Variants in XPR1 observed in about 807,000 individuals in gnomAD.
XPR1 encodes solute carrier family 53 member 1.
In XPR1, 28 loss-of-function variants were observed where a neutral mutation model predicts 87.5. The ratio of observed to expected loss-of-function variants is 0.32; its 90% CI spans 0.24 to 0.44. The LOEUF is 0.44. Ranked by LOEUF, XPR1 falls within the 20% of genes least tolerant of loss-of-function variation. The pLI is 1.00. For synonymous variants in XPR1, 300 were observed against 306.1 expected (o/e 0.98, Z 0.21); for missense variants, 559 against 862.3 (o/e 0.65, Z 4.41).
At chr1:180,656,466 ATATTTATACAT>A (rs1392231477) in intron 1 of XPR1, among the ~76,000 whole-genome samples, 1 of 43,878 alleles carries the variant, frequency 2.3e-5, no homozygotes, top group African/African-American at 1.3e-4. Flanking sequence ...TTTATATATA[ATATTTATACAT>A]TATATATAAT....
intron 2 of XPR1, among the ~76,000 whole-genome samples, chr1:180,771,476 G>C (rs557112299): frequency 3.3e-5 from 5 of 152,060 alleles, no homozygotes; most frequent in Non-Finnish European, 7.4e-5. Flanking sequence ...TAACATGTTG[G>C]TATAGTATTA....
intron 2 of XPR1, among the ~76,000 whole-genome samples, chr1:180,786,145 T>C (rs1265361069): frequency 6.6e-6 from 1 of 150,960 alleles, no homozygotes; most frequent in Non-Finnish European, 1.5e-5. Context: ...GCACATGAAA[T>C]AGAGAAGCAG....
At chr1:180,836,419 T>G in intron 10 of XPR1, 103 bp from the exon 11 acceptor site, 1 of 1,215,000 alleles carries the variant, frequency 8.2e-7, no homozygotes, top group South Asian at 1.4e-5. Context: ...TTCTGAAGGT[T>G]TTTTGCTTTT....
chr1:180,773,464 AT>A (rs1558001213), intron 2 of XPR1, among the ~76,000 whole-genome samples: 1 of 152,216 alleles, frequency 6.6e-6, no homozygotes, highest in Non-Finnish European at 1.5e-5. Context: ...GAGAGTTACT[AT>A]TTTAAGCTAA....
At chr1:180,692,167 A>C (rs1021754725) in intron 2 of XPR1, among the ~76,000 whole-genome samples, 8 of 152,046 alleles carry the variant, frequency 5.3e-5, no homozygotes, top group African/African-American at 1.9e-4. Flanking sequence ...AGCTTTTCTA[A>C]GTTCCATTTT....
At chr1:180,713,594 T>C (rs1296900262) in intron 2 of XPR1, among the ~76,000 whole-genome samples, 2 of 152,278 alleles carry the variant, frequency 1.3e-5, no homozygotes, top group Non-Finnish European at 2.9e-5. Context: ...TAAGTAGACA[T>C]TGGACTTTGT....
At chr1:180,741,193 T>G (rs1658910075) in intron 2 of XPR1, among the ~76,000 whole-genome samples, 1 of 152,208 alleles carries the variant, frequency 6.6e-6, no homozygotes, top group African/African-American at 2.4e-5. Flanking sequence ...AGACGGAGTC[T>G]CACTCTGTCG....
At chr1:180,721,399 C>T (rs1658176055) in intron 2 of XPR1, among the ~76,000 whole-genome samples, 1 of 152,074 alleles carries the variant, frequency 6.6e-6, no homozygotes, top group African/African-American at 2.4e-5. Context: ...TGTGGGTTGA[C>T]TCAGGTGGTT....
At chr1:180,734,355 G>A (rs1441244208) in intron 2 of XPR1, among the ~76,000 whole-genome samples, 1 of 152,140 alleles carries the variant, frequency 6.6e-6, no homozygotes. Flanking sequence ...TGTTTATATA[G>A]CAAAAGAAAT....
intron 2 of XPR1, among the ~76,000 whole-genome samples, chr1:180,744,654 C>CTTTTT (rs71121048): frequency 4.9e-5 from 5 of 102,402 alleles, no homozygotes; most frequent in African/African-American, 2.0e-4. Flanking sequence ...CAATTTCTTT[C>CTTTTT]TTTTTTTTTT....
chr1:180,668,060 C>G (rs1459414729), intron 1 of XPR1, among the ~76,000 whole-genome samples: 1 of 148,832 alleles, frequency 6.7e-6, no homozygotes, highest in African/African-American at 2.5e-5. Context: ...TAATTTTTCT[C>G]TATTGTTTTT....
At chr1:180,880,951 T>G (rs1233043243) in intron 14 of XPR1, among the ~76,000 whole-genome samples, 3 of 152,158 alleles carry the variant, frequency 2.0e-5, no homozygotes, top group Non-Finnish European at 2.9e-5. Flanking sequence ...TAGATTGGAA[T>G]GAAGGAGGCT....
At chr1:180,791,379 C>T (rs143399786) in intron 3 of XPR1, among the ~76,000 whole-genome samples, 1,746 of 152,270 alleles carry the variant, frequency 0.011, 38 homozygotes, top group African/African-American at 0.039. Flanking sequence ...TCAAGTGATC[C>T]TCCTGCCTCA....
intron 2 of XPR1, among the ~76,000 whole-genome samples, chr1:180,733,329 A>G (rs973941589): frequency 2.6e-5 from 4 of 152,084 alleles, no homozygotes; most frequent in Admixed American, 6.5e-5. Context: ...CCGCTTCCAT[A>G]TCATTTAAAA....
rs527502540 is a variant in XPR1, at chr1:180,780,542, A to G, written c.122-7211A>G. On this transcript the variant is annotated intron_variant, in intron 2 of 14. Transcript: ENST00000367590. ...GTTGAGTTAGAGGAGTCTTTTTGAC[A>G]TATTTTCTAAAAGAGATGCAAGAGT... 5.9e-5 allele frequency among the ~76,000 whole-genome samples: 9 copies of G among 152,272 alleles called. No individual in the cohort carries two copies. The South Asian group carries it at 1.4e-3, about 25-fold the overall frequency.
chr1:180,852,459 C>A (rs1651896684), intron 11 of XPR1, among the ~76,000 whole-genome samples: 1 of 152,084 alleles, frequency 6.6e-6, no homozygotes, highest in African/African-American at 2.4e-5. Flanking sequence ...CCTTCACTTT[C>A]TGCAGTTTTA....
At chr1:180,764,389 G>C (rs1458011220) in intron 2 of XPR1, among the ~76,000 whole-genome samples, 1 of 151,230 alleles carries the variant, frequency 6.6e-6, no homozygotes, top group Non-Finnish European at 1.5e-5. Context: ...AACACTTCTA[G>C]TCCCAAGCAT....
At chr1:180,720,724 G>C (rs1027421239) in intron 2 of XPR1, among the ~76,000 whole-genome samples, 3 of 152,108 alleles carry the variant, frequency 2.0e-5, no homozygotes, top group Non-Finnish European at 4.4e-5. Flanking sequence ...GTGTTTTAAC[G>C]AGGTCTTCAG....
At chr1:180,708,225 C>T (rs948665106) in intron 2 of XPR1, among the ~76,000 whole-genome samples, 1 of 152,086 alleles carries the variant, frequency 6.6e-6, no homozygotes, top group South Asian at 2.1e-4. Context: ...TGGTTTTTGC[C>T]TACTGTTTTT....
Sources: allele counts gnomAD v4.1 joint callset (sites outside exome capture counted in the v4.1 genomes callset), GRCh38; gene constraint gnomAD v4.1.1; transcripts MANE v1.5; gene names NCBI Gene and HGNC (gene_info 2026-07-23, HGNC 2026-07-21).